The following HEATR4 variants were observed in gnomAD, a reference collection of about 807,000 sequenced individuals.
HEATR4 encodes the protein HEAT repeat-containing protein 4.
Under a neutral mutation model 108.8 loss-of-function variants are expected in HEATR4, and 95 were observed. The observed-to-expected ratio is 0.87, with a 90% CI of 0.74 to 1.04. The LOEUF is 1.04. HEATR4 is among the 50% of genes least tolerant of loss of function. The pLI, the probability that HEATR4 is intolerant of heterozygous loss-of-function variation, is 0.00. For missense variants in HEATR4, 1,152 were observed against 1,253.8 expected, an observed-to-expected ratio of 0.92 and a Z score of 1.23; for synonymous variants, 443 against 459.4, an observed-to-expected ratio of 0.96 and a Z score of 0.46.
intron 3 of HEATR4, 23 bp downstream of exon 3, chr14:73,522,249 A>C: frequency 6.2e-7 from 1 of 1,601,182 alleles, no homozygotes. Flanking sequence ...TCAAAGGTGC[A>C]CTTGAGGCCC....
At position 73,519,025 on chromosome 14, in the gene HEATR4, G is replaced by A; in HGVS notation, c.1208C>T (p.Ala403Val). Residue 403 changes from alanine to valine, a missense_variant and splice_region_variant, in exon 5 of 18, where the codon GCA (alanine) becomes GTA (valine). Ala to Val is a moderately conservative substitution (Grantham distance 64). Transcript: ENST00000553558. The part of the protein sequence containing the change: ...EKWSAQAIPE[A>V]SYRPVQGALR... ...TTCCCTGTTAGCTTCCTGCTTACAT[G>A]CTTCAGGAATTGCCTGGGCACTCCA... The A allele has an allele frequency of 6.2e-7, 1 of 1,611,744 alleles. No homozygotes were observed. The highest frequency in any genetic ancestry group is 8.5e-7 in the Non-Finnish European group (1 of 1,178,900).
At chr14:73,612,895 G>A in the HEATR4 span, 5 of 1,381,114 alleles carry the variant, frequency 3.6e-6, no homozygotes, top group South Asian at 4.1e-5. Context: ...AGCTGGAAGT[G>A]CTGGACGGCC....
chr14:73,521,221 G>T (rs1474783398), intron 3 of HEATR4, among the ~76,000 whole-genome samples, 182 bp from the exon 4 acceptor site: 1 of 152,114 alleles, frequency 6.6e-6, no homozygotes, highest in African/African-American at 2.4e-5. Flanking sequence ...ATGTGGAGCT[G>T]CCAGAAGGGC....
the HEATR4 span, among the ~76,000 whole-genome samples, chr14:73,589,734 C>T: frequency 1.3e-5 from 2 of 152,184 alleles, no homozygotes; most frequent in Non-Finnish European, 2.9e-5. Context: ...GTCTCACTGA[C>T]TTCAACAACG....
the HEATR4 span, among the ~76,000 whole-genome samples, chr14:73,599,106 C>T: frequency 6.6e-6 from 1 of 152,224 alleles, no homozygotes. Flanking sequence ...ACTCCTGTGA[C>T]AGTCCCAACT....
chr14:73,598,247 G>A, the HEATR4 span, among the ~76,000 whole-genome samples: 9 of 140,730 alleles, frequency 6.4e-5, no homozygotes, highest in East Asian at 2.3e-4. Context: ...AAACATAGCC[G>A]GGTGTGGTGG....
At chr14:73,518,410 A>C (rs1217527482) in intron 5 of HEATR4, among the ~76,000 whole-genome samples, 2 of 152,048 alleles carry the variant, frequency 1.3e-5, no homozygotes, top group Non-Finnish European at 2.9e-5. Flanking sequence ...TCTCCAAAAA[A>C]AGAAAAAAAA....
At chr14:73,510,442 G>GT (rs534233886) in intron 7 of HEATR4, among the ~76,000 whole-genome samples, 29,725 of 146,700 alleles carry the variant, frequency 0.2, 3,473 homozygotes, top group African/African-American at 0.33. Context: ...TTTTGTTTTT[G>GT]TTTTTTTTTT....
the HEATR4 span, chr14:73,612,670 G>A: frequency 8.5e-6 from 12 of 1,413,864 alleles, 1 homozygote; most frequent in Admixed American, 2.7e-4. Flanking sequence ...AGCCAGTCAC[G>A]CTGCGCACGT....
intron 10 of HEATR4, among the ~76,000 whole-genome samples, chr14:73,504,344 G>A (rs1057250966): frequency 1.3e-5 from 2 of 151,714 alleles, no homozygotes; most frequent in African/African-American, 2.4e-5. Flanking sequence ...CTGGGATCAC[G>A]CCATTCTCCT....
At chr14:73,529,725 G>T (rs1888590678) in intron 2 of HEATR4, among the ~76,000 whole-genome samples, 1 of 152,192 alleles carries the variant, frequency 6.6e-6, no homozygotes. Context: ...GTCAAAGTAG[G>T]TTGAGTAACG....
chr14:73,481,015 C>CA (rs34087622), intron 17 of HEATR4: 42,732 of 143,726 alleles, frequency 0.3, 6,303 homozygotes, highest in South Asian at 0.43. Flanking sequence ...GACTCCATCT[C>CA]AAAAAAAAAA....
chr14:73,602,545 G>A, the HEATR4 span, among the ~76,000 whole-genome samples: 1 of 152,126 alleles, frequency 6.6e-6, no homozygotes, highest in East Asian at 1.9e-4. Flanking sequence ...TAAAGCTCAG[G>A]GCCCTTGTCC....
intron 1 of HEATR4, among the ~76,000 whole-genome samples, chr14:73,540,082 A>C (rs1889024421): frequency 8.3e-6 from 1 of 120,936 alleles, no homozygotes; most frequent in Non-Finnish European, 1.8e-5. Context: ...GAAGTGGCCC[A>C]CTTTTAGAAG....
At chr14:73,585,820 C>CTTTTTTT in the HEATR4 span, among the ~76,000 whole-genome samples, 1 of 115,568 alleles carries the variant, frequency 8.7e-6, no homozygotes, top group Non-Finnish European at 1.7e-5. Context: ...TTGTCTTTTT[C>CTTTTTTT]TTTTTTTTTT....
the HEATR4 span, among the ~76,000 whole-genome samples, chr14:73,587,652 G>A: frequency 6.6e-6 from 1 of 152,190 alleles, no homozygotes; most frequent in South Asian, 2.1e-4. Flanking sequence ...CACTGCACCT[G>A]GCCCATCCAC....
At chr14:73,524,307 AAAAATATATATAT>A (rs1166382136) in intron 2 of HEATR4, among the ~76,000 whole-genome samples, 1 of 110,072 alleles carries the variant, frequency 9.1e-6, no homozygotes, top group Non-Finnish European at 1.8e-5. Context: ...AAAAAAAAAA[AAAAATATATATAT>A]ATATATATAT....
intron 13 of HEATR4, 40 bp from the exon 14 acceptor site, chr14:73,498,384 C>A (rs1484893319): frequency 1.3e-6 from 2 of 1,512,888 alleles, no homozygotes; most frequent in South Asian, 1.2e-5. Flanking sequence ...GAAGACTGAG[C>A]TTACTATATT....
chr14:73,588,815 T>TA, the HEATR4 span, among the ~76,000 whole-genome samples: 27 of 151,640 alleles, frequency 1.8e-4, no homozygotes, highest in Admixed American at 7.9e-4. Flanking sequence ...ATTAAAAAGT[T>TA]AAAAAAAAAT....
Sources: allele counts gnomAD v4.1 joint callset (sites outside exome capture counted in the v4.1 genomes callset), GRCh38; gene constraint gnomAD v4.1.1; transcripts MANE v1.5; gene names NCBI Gene and HGNC (gene_info 2026-07-23, HGNC 2026-07-21).